Variants in MBD5 observed in about 807,000 individuals in gnomAD.
MBD5 encodes the protein methyl-CpG-binding domain protein 5.
A neutral mutation model predicts 117.3 loss-of-function variants in MBD5; 13 were observed. The observed-to-expected ratio is 0.11, with a 90% CI of 0.07 to 0.18. The LOEUF (loss-of-function observed/expected upper bound fraction) is 0.18. MBD5 is among the 10% of genes least tolerant of loss of function. The probability of loss-of-function intolerance (pLI) is 1.00; values close to 1 mark genes in which losing one functional copy is unlikely to be tolerated. For missense variants in MBD5, 1,879 were observed against 2,093.8 expected (o/e 0.90, Z 2.00); for synonymous variants, 727 against 766.4 (o/e 0.95, Z 0.85).
At chr2:148,279,885 G>C (rs1033776547) in intron 3 of MBD5, among the ~76,000 whole-genome samples, 40 of 152,102 alleles carry the variant, frequency 2.6e-4, no homozygotes, top group African/African-American at 9.4e-4. Flanking sequence ...ATGGGCTCAA[G>C]TGATCCTCCC....
intron 2 of MBD5, among the ~76,000 whole-genome samples, chr2:148,200,351 G>C (rs1699104226): frequency 6.6e-6 from 1 of 152,106 alleles, no homozygotes; most frequent in Non-Finnish European, 1.5e-5. Flanking sequence ...TAAAAATGTA[G>C]CACTTAAAAG....
At chr2:148,085,845 TTATC>T (rs1236479316) in intron 1 of MBD5, among the ~76,000 whole-genome samples, 2 of 152,198 alleles carry the variant, frequency 1.3e-5, no homozygotes, top group African/African-American at 4.8e-5. Flanking sequence ...TCATAGTCCT[TTATC>T]TATAATTGTG....
At chr2:148,240,151 G>A (rs1700182566) in intron 3 of MBD5, among the ~76,000 whole-genome samples, 1 of 152,126 alleles carries the variant, frequency 6.6e-6, no homozygotes, top group South Asian at 2.1e-4. Flanking sequence ...ATTATTCTGA[G>A]CAAACTATCG....
chr2:148,406,894 T>C (rs1705095628), intron 4 of MBD5, among the ~76,000 whole-genome samples: 2 of 152,216 alleles, frequency 1.3e-5, no homozygotes, highest in Admixed American at 1.3e-4. Context: ...TTCCCATTTA[T>C]CTAAAGGTGG....
chr2:148,428,436 A>C (rs1705878359), intron 4 of MBD5, among the ~76,000 whole-genome samples: 1 of 152,158 alleles, frequency 6.6e-6, no homozygotes, highest in Admixed American at 6.6e-5. Context: ...TAATTTATAG[A>C]TTCAATGTTA....
At chr2:148,267,598 G>A (rs1416912598) in intron 3 of MBD5, among the ~76,000 whole-genome samples, 1 of 151,982 alleles carries the variant, frequency 6.6e-6, no homozygotes, top group Non-Finnish European at 1.5e-5. Flanking sequence ...CCTCTCCAGA[G>A]GTAACCATTA....
intron 1 of MBD5, among the ~76,000 whole-genome samples, chr2:148,159,466 TG>T (rs1697954230): frequency 6.6e-6 from 1 of 152,032 alleles, no homozygotes; most frequent in African/African-American, 2.4e-5. Flanking sequence ...TTGTAATTTT[TG>T]TAGAGATAGG....
intron 2 of MBD5, among the ~76,000 whole-genome samples, chr2:148,228,351 T>C (rs1244479953): frequency 1.3e-5 from 2 of 152,352 alleles, no homozygotes; most frequent in Admixed American, 1.3e-4. Context: ...GGGCCTTTTC[T>C]GCATCTATTG....
intron 3 of MBD5, among the ~76,000 whole-genome samples, chr2:148,332,405 T>C (rs1702682124): frequency 6.6e-6 from 1 of 152,190 alleles, no homozygotes; most frequent in Non-Finnish European, 1.5e-5. Context: ...GAAAACTGTG[T>C]CCCACATAGT....
intron 2 of MBD5, among the ~76,000 whole-genome samples, chr2:148,227,386 C>A (rs1699858877): frequency 6.6e-6 from 1 of 152,176 alleles, no homozygotes; most frequent in African/African-American, 2.4e-5. Flanking sequence ...TTCCCCATTG[C>A]TTGTTTTTCT....
intron 4 of MBD5, among the ~76,000 whole-genome samples, chr2:148,352,018 G>C (rs986592848): frequency 6.6e-6 from 1 of 152,066 alleles, no homozygotes; most frequent in African/African-American, 2.4e-5. Flanking sequence ...CCACAGAAAT[G>C]AGAGGAGCTT....
chr2:148,029,721 A>G (rs1693986512), intron 1 of MBD5, among the ~76,000 whole-genome samples: 1 of 152,166 alleles, frequency 6.6e-6, no homozygotes, highest in Non-Finnish European at 1.5e-5. Context: ...TTAGTAGGCA[A>G]ATTTGCTATG....
chr2:148,115,001 T>C (rs1483978440), intron 1 of MBD5, among the ~76,000 whole-genome samples: 1 of 152,154 alleles, frequency 6.6e-6, no homozygotes, highest in Admixed American at 6.5e-5. Context: ...TGCATATGTA[T>C]AAAGTATCTG....
chr2:148,469,582 G>C lies in MBD5; in HGVS notation c.1639G>C (p.Gly547Arg). The part of the protein sequence containing the change: ...SSAAFPTASA[G>R]SSSVKSQPGL... ...TGCAGCTTTTCCTACTGCATCTGCC[G>C]GAAGTAGTTCTGTAAAGAGTCAGCC... The change falls in exon 8 of 14, where the codon GGA (glycine) becomes CGA (arginine). Residue 547 changes from glycine to arginine, a missense_variant. Transcript: ENST00000642680. 1 of 1,613,814 alleles carries C rather than the reference G, an allele frequency of 6.2e-7. No homozygotes were observed. The highest frequency in any genetic ancestry group is 8.5e-7 in the Non-Finnish European group (1 of 1,179,906).
intron 3 of MBD5, among the ~76,000 whole-genome samples, chr2:148,306,562 T>A (rs1205981540): frequency 1.3e-5 from 2 of 152,214 alleles, no homozygotes; most frequent in Admixed American, 1.3e-4. Flanking sequence ...ATGTTTCGTT[T>A]TGTTTACAAA....
At chr2:148,403,046 T>C (rs1209888379) in intron 4 of MBD5, among the ~76,000 whole-genome samples, 1 of 152,202 alleles carries the variant, frequency 6.6e-6, no homozygotes, top group Non-Finnish European at 1.5e-5. Flanking sequence ...CTGCTATTAA[T>C]CTCATCTAGT....
chr2:148,469,607 C>G lies in MBD5; in HGVS notation c.1664C>G (p.Pro555Arg). The G allele has an allele frequency of 6.2e-7, 1 of 1,613,892 alleles. No homozygotes were observed. The highest frequency in any genetic ancestry group is 8.5e-7 in the Non-Finnish European group (1 of 1,179,910). ...GGAAGTAGTTCTGTAAAGAGTCAGCCTGGTTTGCTGGGAATGCCTTTAAAT... is the reference window on the plus strand; with the variant it reads ...GGAAGTAGTTCTGTAAAGAGTCAGCGTGGTTTGCTGGGAATGCCTTTAAAT... ...SAGSSSVKSQ[P>R]GLLGMPLNQI... The change falls in exon 8 of 14, where the codon CCT becomes CGT. Residue 555 changes from proline (P) to arginine (R), a missense_variant. By Grantham distance (103) the Pro-to-Arg change is moderately radical (BLOSUM62 -2). This residue lies in a region of MBD5 where 1,666 missense variants were observed against 1,792.2 expected (regional missense o/e 0.93). Coordinates refer to ENST00000642680, the MANE Select transcript of MBD5 (RefSeq NM_001378120.1).
chr2:148,427,110 TCA>T (rs1231075378), intron 4 of MBD5, among the ~76,000 whole-genome samples: 2 of 152,156 alleles, frequency 1.3e-5, no homozygotes, highest in African/African-American at 4.8e-5. Context: ...AGATACCATC[TCA>T]CACCAGTTAC....
chr2:148,113,898 TA>T (rs1696558029), intron 1 of MBD5, among the ~76,000 whole-genome samples: 1 of 152,206 alleles, frequency 6.6e-6, no homozygotes, highest in Non-Finnish European at 1.5e-5. Context: ...GAGGGATTTT[TA>T]TTTTTTTAAT....
Sources: allele counts gnomAD v4.1 joint callset (sites outside exome capture counted in the v4.1 genomes callset), GRCh38; gene constraint gnomAD v4.1.1; regional missense constraint gnomAD v4.1.1; transcripts MANE v1.5; gene names NCBI Gene and HGNC (gene_info 2026-07-23, HGNC 2026-07-21).